POLR3E: variants seen among roughly 807,000 people sequenced by gnomAD.
POLR3E encodes the protein DNA-directed RNA polymerase III subunit RPC5.
In POLR3E, 41 loss-of-function variants were observed where a neutral mutation model predicts 96.6. The ratio of observed to expected loss-of-function variants is 0.42; its 90% CI spans 0.33 to 0.55. The LOEUF is 0.55. Ranked by LOEUF, POLR3E falls within the 20% of genes least tolerant of loss-of-function variation. The pLI is 0.06. For missense variants in POLR3E, 849 were observed against 952.1 expected, an observed-to-expected ratio of 0.89 and a Z score of 1.43; for synonymous variants, 396 against 383.6, an observed-to-expected ratio of 1.03 and a Z score of -0.38.
At chr16:22,329,847 T>G (rs2048698444) in intron 19 of POLR3E, among the ~76,000 whole-genome samples, 3 of 152,108 alleles carry the variant, frequency 2.0e-5, no homozygotes, top group Admixed American at 2.0e-4. Context: ...CAGGCTAGTC[T>G]TGAACTCCTG....
At chr16:22,305,273 C>A in intron 3 of POLR3E, 67 bp downstream of exon 3, 1 of 1,161,394 alleles carries the variant, frequency 8.6e-7, no homozygotes, top group Non-Finnish European at 1.3e-6. Context: ...GACTCAGGAA[C>A]ACGGGCAGGA....
At chr16:22,319,086 T>G (rs1324473831) in intron 13 of POLR3E, 140 bp downstream of exon 13, 9 of 537,488 alleles carry the variant, frequency 1.7e-5, no homozygotes, top group Non-Finnish European at 2.9e-5. Flanking sequence ...GCAACTCTCC[T>G]GCCTCAGCCT....
rs200830215 is a variant in POLR3E at position 22,318,820 on chromosome 16, C to T, written c.866-6C>T. ...CCTTGTCTGATGTCTCCTGCGTCCT[C>T]CTCAGTGAAGGTCATGCCTTTTGCC... On this transcript the variant is annotated splice_polypyrimidine_tract_variant and splice_region_variant and intron_variant, in intron 12 of 20. Transcript: ENST00000299853. This position sits in a 1 kb window ranked among gnomAD's most constrained non-coding sequence, Gnocchi z 5.0. 4 of 1,612,412 alleles carry T rather than the reference C, an allele frequency of 2.5e-6. No homozygotes were observed. The highest frequency in any genetic ancestry group is 1.3e-5 in the African/African-American group (1 of 74,778).
At chr16:22,316,756 C>T (rs539295924) in intron 10 of POLR3E, 70 bp downstream of exon 10, 1 of 1,283,106 alleles carries the variant, frequency 7.8e-7, no homozygotes, top group African/African-American at 1.5e-5. Flanking sequence ...TGGTGTGGAT[C>T]CTCCCAGAGG....
At chr16:22,316,937 G>T in intron 10 of POLR3E, 58 bp from the exon 11 acceptor site, 1 of 1,581,504 alleles carries the variant, frequency 6.3e-7, no homozygotes, top group Middle Eastern at 1.7e-4. Context: ...TGGGTGGCTG[G>T]TGAGGAGGGT....
At chr16:22,316,913 C>A in intron 10 of POLR3E, 82 bp from the exon 11 acceptor site, 1 of 1,491,068 alleles carries the variant, frequency 6.7e-7, no homozygotes. Context: ...GCACCCTCTC[C>A]CCAGACCCTC....
intron 14 of POLR3E, among the ~76,000 whole-genome samples, chr16:22,324,051 C>T (rs146732337): frequency 2.5e-4 from 38 of 151,606 alleles, no homozygotes; most frequent in African/African-American, 8.8e-4. Flanking sequence ...CCTCCCAGCC[C>T]GAGTCCTCAT....
At chr16:22,301,074 G>C (rs1004266752) in intron 1 of POLR3E, among the ~76,000 whole-genome samples, 1 of 151,158 alleles carries the variant, frequency 6.6e-6, no homozygotes, top group African/African-American at 2.4e-5. Flanking sequence ...TTTGCAATGT[G>C]ATTTGGAGAG....
chr16:22,308,149 A>G lies in POLR3E; in HGVS notation c.89A>G (p.Tyr30Cys). ...TAATGGCTCCCTTCCCCTCCCCAGT[A>G]CCCTGTGCGTCCAGCCTCGATGACC... is the stretch of plus-strand genomic sequence containing the variant. ...SLAEKLYLFQ[Y>C]PVRPASMTYD... The change falls in exon 4 of 21, where the codon TAC becomes TGC. Residue 30 changes from tyrosine to cysteine, a missense_variant and splice_region_variant. Transcript: ENST00000299853. 1 of 1,612,574 alleles carries G rather than the reference A, an allele frequency of 6.2e-7. No individual in the cohort carries two copies. The highest frequency in any genetic ancestry group is 8.5e-7 in the Non-Finnish European group (1 of 1,178,836).
intron 18 of POLR3E, chr16:22,326,573 C>T (rs2048600165): frequency 2.0e-6 from 1 of 511,958 alleles, no homozygotes; most frequent in Non-Finnish European, 3.5e-6. Flanking sequence ...TGGTTTCTCA[C>T]CCTGTCCCCC....
chr16:22,305,422 A>G (rs980131118), intron 3 of POLR3E: 3 of 695,256 alleles, frequency 4.3e-6, no homozygotes, highest in Non-Finnish European at 7.9e-6. Context: ...AGTGTGCAGC[A>G]GTTAAAGCTG....
At position 22,309,040 on chromosome 16, in the gene POLR3E, C is replaced by T. The variant is rs775877140; in HGVS notation, c.281C>T (p.Ser94Leu). Reference sequence around the variant, plus strand: ...GCCGACGAGACCAGCACGTATTCCTCGTGAGTTTCCGGCCCCAAGCCTGTC... The same window carrying T: ...GCCGACGAGACCAGCACGTATTCCTTGTGAGTTTCCGGCCCCAAGCCTGTC... ...ACADETSTYS[S>L]KLMDKQTFCS... The change falls in exon 5 of 21, where the codon TCG becomes TTG. Residue 94 changes from serine to leucine, a missense_variant and splice_region_variant. Coordinates refer to ENST00000299853, the MANE Select transcript of POLR3E (RefSeq NM_018119.4). 27 of 1,603,550 alleles carry T rather than the reference C, an allele frequency of 1.7e-5. No homozygotes were observed. The Middle Eastern group carries it at 5.0e-4, about 30-fold the overall frequency.
chr16:22,329,891 A>C (rs2048699340), intron 19 of POLR3E, among the ~76,000 whole-genome samples: 1 of 151,634 alleles, frequency 6.6e-6, no homozygotes, highest in Admixed American at 6.6e-5. Flanking sequence ...AGCCTCCCAA[A>C]GTGCTAGGAT....
chr16:22,302,976 A>G lies in POLR3E; in HGVS notation c.8A>G (p.Asn3Ser). 3 of 1,614,032 alleles carry G rather than the reference A, an allele frequency of 1.9e-6. No individual in the cohort carries two copies. Among genetic ancestry groups the G allele is most frequent in the Non-Finnish European group, 2.5e-6 (3 of 1,179,912 alleles). Residue 3 changes from asparagine to serine, a missense_variant, in exon 2 of 21, where the codon AAT becomes AGT. Asn to Ser is a conservative substitution (Grantham distance 46). Coordinates refer to ENST00000299853, the MANE Select transcript of POLR3E (RefSeq NM_018119.4). MA[N>S]EEDDPVVQEI... ...GGCTGGCTCTCCTCTAGTATGGCCA[A>G]TGAAGAGGATGACCCAGTTGTACAG...
intron 19 of POLR3E, 191 bp downstream of exon 19, chr16:22,328,778 A>T (rs1293421020): frequency 5.3e-6 from 3 of 566,466 alleles, no homozygotes; most frequent in Non-Finnish European, 9.6e-6. Flanking sequence ...GTTTGAACCT[A>T]AACCAGTGGT....
At chr16:22,316,792 G>A in intron 10 of POLR3E, 106 bp downstream of exon 10, 16 of 1,046,168 alleles carry the variant, frequency 1.5e-5, no homozygotes, top group Non-Finnish European at 2.2e-5. Flanking sequence ...GTAGCATGAG[G>A]GTGGAGCCCA....
rs12596547 is a variant in POLR3E, at chr16:22,334,543, A to G, written c.*843A>G. 0.034 allele frequency: 5,115 copies of G among 152,346 alleles called. 181 individuals carry two copies. Among genetic ancestry groups the G allele is most frequent in the East Asian group, 0.11 (551 of 5,194 alleles). The allele number at this position is 152,346 out of a possible 1,614,324, so 9.4% of individuals were successfully genotyped here. ...CGGAGCTAATGGAGGAAGACAGAGC[A>G]GCACTGTCCACTAGAAAGAGGCGAG... On this transcript the variant is annotated 3_prime_UTR_variant, in exon 21 of 21. Coordinates refer to ENST00000299853, the MANE Select transcript of POLR3E (RefSeq NM_018119.4).
Position 22,328,597 on chromosome 16 carries a change from ACTTTG to A in POLR3E, c.1944+13_1944+17del. The A allele has an allele frequency of 6.2e-7, 1 of 1,611,596 alleles. No homozygotes were observed. The highest frequency in any genetic ancestry group is 8.5e-7 in the Non-Finnish European group (1 of 1,177,736). ...AGACATGAGTGATCAGGTGAGGTGAACTTTGCTGCCATCTTCCCGAAGAGCCAGGG... is the reference window on the plus strand; with the variant it reads ...AGACATGAGTGATCAGGTGAGGTGAACTGCCATCTTCCCGAAGAGCCAGGG... On this transcript the variant is annotated intron_variant, in intron 19 of 20. Coordinates refer to ENST00000299853, the MANE Select transcript of POLR3E (RefSeq NM_018119.4).
chr16:22,323,273 G>A (rs1001825578), intron 14 of POLR3E, among the ~76,000 whole-genome samples: 1 of 152,100 alleles, frequency 6.6e-6, no homozygotes, highest in Admixed American at 6.5e-5. Flanking sequence ...AGCTGTCAAG[G>A]GTAATTGGAC....
Sources: gnomAD v4.1 joint callset for allele counts (sites outside exome capture counted in the v4.1 genomes callset) on GRCh38, gnomAD v4.1.1 for gene constraint, Gnocchi (gnomAD v3.1) non-coding constraint, MANE v1.5 for transcripts, NCBI Gene and HGNC (gene_info 2026-07-23, HGNC 2026-07-21) for gene names.